GPRIN3: variants seen among roughly 807,000 people sequenced by gnomAD.
GPRIN3 encodes G protein-regulated inducer of neurite outgrowth 3.
In GPRIN3, 12 loss-of-function variants were observed where a neutral mutation model predicts 13.7. The ratio of observed to expected loss-of-function variants is 0.87; its 90% confidence interval spans 0.56 to 1.42. The LOEUF (loss-of-function observed/expected upper bound fraction) is 1.42, where lower values mean the gene tolerates loss of function less well. Among genes scored for constraint, GPRIN3 ranks in the 40% most tolerant of loss-of-function variants. The pLI, the probability that GPRIN3 is intolerant of heterozygous loss-of-function variation, is 0.00. For missense variants in GPRIN3, 1,009 were observed against 958.7 expected (o/e 1.05, Z -0.69); for synonymous variants, 377 against 372.7 (o/e 1.01, Z -0.13).
chr4:89,261,886 T>C (rs547979115), intron 1 of GPRIN3, among the ~76,000 whole-genome samples: 1 of 150,448 alleles, frequency 6.6e-6, no homozygotes, highest in South Asian at 2.1e-4. Context: ...TGTAGGGGGG[T>C]GGATAGCCTG....
At chr4:89,302,242 T>C (rs1724919271) in intron 1 of GPRIN3, among the ~76,000 whole-genome samples, 1 of 152,180 alleles carries the variant, frequency 6.6e-6, no homozygotes, top group Admixed American at 6.5e-5. Context: ...TTGGACATTG[T>C]CTTCAGGTCC....
intron 1 of GPRIN3, among the ~76,000 whole-genome samples, chr4:89,270,568 TA>T (rs1723910204): frequency 3.0e-4 from 15 of 49,324 alleles, no homozygotes; most frequent in Admixed American, 5.5e-4. Flanking sequence ...ATATAATTTA[TA>T]TATATATATA....
chr4:89,256,269 T>G (rs1326840322), intron 1 of GPRIN3, among the ~76,000 whole-genome samples: 1 of 152,156 alleles, frequency 6.6e-6, no homozygotes, highest in African/African-American at 2.4e-5. Flanking sequence ...AACCTTCTAT[T>G]TGCAAGTGAT....
At chr4:89,307,524 G>A (rs770875142) in intron 1 of GPRIN3, 91 bp downstream of exon 1, 2 of 152,266 alleles carry the variant, frequency 1.3e-5, no homozygotes, top group African/African-American at 4.8e-5. Context: ...ATGTGGGACC[G>A]AATCCCTTCC....
At chr4:89,270,812 A>T (rs2149271332) in intron 1 of GPRIN3, among the ~76,000 whole-genome samples, 1 of 151,966 alleles carries the variant, frequency 6.6e-6, no homozygotes, top group South Asian at 2.1e-4. Flanking sequence ...CTAATTAGAC[A>T]TATTGCTAAG....
At chr4:89,297,877 A>G (rs1724784094) in intron 1 of GPRIN3, among the ~76,000 whole-genome samples, 1 of 152,210 alleles carries the variant, frequency 6.6e-6, no homozygotes, top group Non-Finnish European at 1.5e-5. Context: ...TATCTAAAAC[A>G]GCGGCCCTTA....
chr4:89,302,925 G>T (rs1379658719), intron 1 of GPRIN3, among the ~76,000 whole-genome samples: 1 of 151,854 alleles, frequency 6.6e-6, no homozygotes, highest in Admixed American at 6.6e-5. Context: ...TCAAGCAGAT[G>T]AATCTCTGAC....
At chr4:89,295,918 A>T (rs866992063) in intron 1 of GPRIN3, among the ~76,000 whole-genome samples, 1 of 152,206 alleles carries the variant, frequency 6.6e-6, no homozygotes. Flanking sequence ...TGCCCTAAAA[A>T]ATAACATCTG....
In GPRIN3 at chr4:89,242,797, C is replaced by T. The variant is rs1722981085; in HGVS notation, c.*4983G>A. On this transcript the variant is annotated 3_prime_UTR_variant, in exon 2 of 2. Transcript: ENST00000609438. The stretch of plus-strand genomic sequence containing the variant: ...TTATTAGTATCTGAGATATTTGTGT[C>T]TTAAAAAAACTTGCAAATAACATCT... 1 of 152,136 alleles carries T rather than the reference C, an allele frequency of 6.6e-6. No homozygotes were observed. The highest frequency in any genetic ancestry group is 1.5e-5 in the Non-Finnish European group (1 of 68,008). 9.4% of individuals were successfully genotyped at this position (152,136 alleles called of 1,614,324 possible). A position where few individuals can be genotyped will look rare whatever the true frequency, so the allele number is the denominator to read the frequency against.
At chr4:89,303,790 T>C (rs1379151456) in intron 1 of GPRIN3, among the ~76,000 whole-genome samples, 11 of 149,312 alleles carry the variant, frequency 7.4e-5, no homozygotes, top group African/African-American at 2.7e-4. Context: ...AAAATATGTA[T>C]ATATGTGTAT....
intron 1 of GPRIN3, among the ~76,000 whole-genome samples, chr4:89,287,772 T>C (rs1021034280): frequency 4.6e-5 from 7 of 152,064 alleles, no homozygotes; most frequent in African/African-American, 1.7e-4. Flanking sequence ...CTAAATAAAA[T>C]GTGGAATGAA....
chr4:89,279,018 T>G (rs1183119250), intron 1 of GPRIN3, among the ~76,000 whole-genome samples: 1 of 152,146 alleles, frequency 6.6e-6, no homozygotes, highest in Admixed American at 6.5e-5. Flanking sequence ...AGAGGCCCAG[T>G]TGGGCCTTGA....
intron 1 of GPRIN3, among the ~76,000 whole-genome samples, chr4:89,281,299 T>A (rs1359648679): frequency 6.6e-6 from 1 of 152,112 alleles, no homozygotes; most frequent in Non-Finnish European, 1.5e-5. Flanking sequence ...AATTTTTGTA[T>A]TTTTAGTAGA....
chr4:89,277,691 T>G (rs1724132569), intron 1 of GPRIN3, among the ~76,000 whole-genome samples: 1 of 152,230 alleles, frequency 6.6e-6, no homozygotes, highest in South Asian at 2.1e-4. Context: ...TGCCCATTGT[T>G]TGACTCAGAA....
intron 1 of GPRIN3, among the ~76,000 whole-genome samples, chr4:89,258,498 G>A: frequency 6.6e-6 from 1 of 152,174 alleles, no homozygotes; most frequent in African/African-American, 2.4e-5. Context: ...ACAGGCATGA[G>A]CCACTGTGCC....
intron 1 of GPRIN3, among the ~76,000 whole-genome samples, chr4:89,293,638 A>G (rs981261253): frequency 6.6e-6 from 1 of 152,164 alleles, no homozygotes; most frequent in African/African-American, 2.4e-5. Context: ...TACAAGTTCC[A>G]GTTTATCTTT....
intron 1 of GPRIN3, among the ~76,000 whole-genome samples, chr4:89,268,145 T>C (rs772218576): frequency 3.9e-5 from 6 of 152,100 alleles, no homozygotes; most frequent in Non-Finnish European, 8.8e-5. Flanking sequence ...GTGAAACAAT[T>C]AGAAAACTTA....
chr4:89,304,112 T>C (rs1385105126), intron 1 of GPRIN3, among the ~76,000 whole-genome samples: 2 of 152,164 alleles, frequency 1.3e-5, no homozygotes, highest in African/African-American at 2.4e-5. Context: ...CCCTCCTCCT[T>C]GAAGCCTTTC....
At chr4:89,303,690 G>C (rs776158603) in intron 1 of GPRIN3, among the ~76,000 whole-genome samples, 4 of 150,984 alleles carry the variant, frequency 2.6e-5, no homozygotes, top group Non-Finnish European at 4.4e-5. Flanking sequence ...AGATGTATAC[G>C]TTATTTGGTT....
Sources: allele counts gnomAD v4.1 joint callset (sites outside exome capture counted in the v4.1 genomes callset), GRCh38; gene constraint gnomAD v4.1.1; transcripts MANE v1.5; gene names NCBI Gene and HGNC (gene_info 2026-07-23, HGNC 2026-07-21).